GLIS3: variants seen among roughly 807,000 people sequenced by gnomAD.
GLIS3 encodes the protein zinc finger protein GLIS3.
A neutral mutation model predicts 78.6 loss-of-function variants in GLIS3; 53 were observed. The ratio of observed to expected loss-of-function variants is 0.67; its 90% CI spans 0.54 to 0.85. GLIS3 has a LOEUF of 0.85. GLIS3 is among the 40% of genes least tolerant of loss of function. GLIS3 has a pLI of 0.00. For synonymous variants in GLIS3, 684 were observed against 509.9 expected (o/e 1.34, Z -4.60); for missense variants, 1,703 against 1,231.1 (o/e 1.38, Z -5.74).
At chr9:4,471,819 A>C in the GLIS3 span, among the ~76,000 whole-genome samples, 1 of 152,208 alleles carries the variant, frequency 6.6e-6, no homozygotes, top group Admixed American at 6.5e-5. Flanking sequence ...GTGAACAGGC[A>C]ACCTACAGAG....
chr9:4,163,028 G>A (rs191333635), intron 2 of GLIS3, among the ~76,000 whole-genome samples: 5 of 152,286 alleles, frequency 3.3e-5, no homozygotes, highest in Admixed American at 2.0e-4. Flanking sequence ...CATGAGGATG[G>A]AGAGGGGAAG....
At chr9:4,337,105 C>A (rs1391661758) in intron 2 of GLIS3, among the ~76,000 whole-genome samples, 1 of 152,154 alleles carries the variant, frequency 6.6e-6, no homozygotes, top group Non-Finnish European at 1.5e-5. Flanking sequence ...GTGTCATTGG[C>A]TTCTAGTGCA....
intron 2 of GLIS3, among the ~76,000 whole-genome samples, chr9:4,282,442 G>C (rs1174216417): frequency 6.6e-6 from 1 of 152,186 alleles, no homozygotes; most frequent in East Asian, 1.9e-4. Flanking sequence ...AATAGAACAA[G>C]GTTGACCCTC....
At chr9:4,233,395 C>G (rs1044341433) in intron 2 of GLIS3, among the ~76,000 whole-genome samples, 2 of 152,200 alleles carry the variant, frequency 1.3e-5, no homozygotes, top group African/African-American at 4.8e-5. Flanking sequence ...TGTTGTGTTA[C>G]CAATCATGAA....
chr9:4,030,127 A>C (rs1264757059), intron 4 of GLIS3, among the ~76,000 whole-genome samples: 1 of 152,056 alleles, frequency 6.6e-6, no homozygotes, highest in Admixed American at 6.6e-5. Flanking sequence ...TGTCTTTTGG[A>C]TATAAGCCAT....
At chr9:4,307,542 T>A (rs1276688357) in intron 4 of GLIS3, among the ~76,000 whole-genome samples, 2 of 147,994 alleles carry the variant, frequency 1.4e-5, no homozygotes, top group Non-Finnish European at 3.0e-5. Context: ...CCGCCCTGCA[T>A]CCCAACAAAA....
chr9:4,347,751 G>A (rs191029405), intron 1 of GLIS3, among the ~76,000 whole-genome samples: 2 of 152,062 alleles, frequency 1.3e-5, no homozygotes, highest in Admixed American at 6.5e-5. Flanking sequence ...TTTTGGTGGG[G>A]GTTGGGGGAG....
intron 4 of GLIS3, among the ~76,000 whole-genome samples, chr9:3,994,646 A>C (rs1274701648): frequency 2.0e-5 from 3 of 152,188 alleles, no homozygotes; most frequent in East Asian, 3.9e-4. Flanking sequence ...AATTAACAGA[A>C]CTAAAACCTG....
At chr9:4,259,042 C>A (rs1825251588) in intron 2 of GLIS3, among the ~76,000 whole-genome samples, 1 of 152,126 alleles carries the variant, frequency 6.6e-6, no homozygotes, top group Admixed American at 6.5e-5. Flanking sequence ...CTCCTGCCTG[C>A]TGCTGCCTCC....
chr9:3,916,040 T>C (rs907018185), intron 6 of GLIS3, among the ~76,000 whole-genome samples: 2 of 152,148 alleles, frequency 1.3e-5, no homozygotes, highest in African/African-American at 2.4e-5. Flanking sequence ...TTCTAGTCCA[T>C]GTAGAAGAAA....
intron 9 of GLIS3, 87 bp from the exon 10 acceptor site, chr9:3,829,579 C>G (rs1359002245): frequency 8.5e-6 from 12 of 1,416,840 alleles, no homozygotes; most frequent in African/African-American, 1.4e-5. Context: ...CTCACTCAGC[C>G]TGGCTTCCTA....
At chr9:4,177,771 T>C (rs928637460) in intron 2 of GLIS3, among the ~76,000 whole-genome samples, 2 of 152,048 alleles carry the variant, frequency 1.3e-5, no homozygotes, top group Non-Finnish European at 2.9e-5. Context: ...TTTGGAGGTA[T>C]TTTTTTTCTT....
At chr9:4,304,860 G>A (rs187301062), upstream of GLIS3, among the ~76,000 whole-genome samples, 3 of 152,264 alleles carry the variant, frequency 2.0e-5, no homozygotes, top group Admixed American at 6.5e-5. Context: ...AAGCACTCAG[G>A]AGATTTTCAC....
rs575239020 is a variant in GLIS3 at position 3,954,940 on chromosome 9, C to T, written c.1711-17751G>A. On this transcript the variant is annotated intron_variant, in intron 4 of 10. Transcript: ENST00000381971. ...ATGCATGACAATTCAGACAATGGTG[C>T]ACATGGAATAAGCCGGTGGATAAAA... Among the ~76,000 whole-genome samples, 8 of 152,228 alleles carry T rather than the reference C, an allele frequency of 5.3e-5. No individual in the cohort carries two copies. In the South Asian group the frequency reaches 1.7e-3, roughly 32 times the overall value.
chr9:4,314,925 T>G (rs969806845), intron 2 of GLIS3, among the ~76,000 whole-genome samples: 6 of 152,186 alleles, frequency 3.9e-5, no homozygotes, highest in Non-Finnish European at 8.8e-5. Context: ...GCTGGAACTC[T>G]CAGGGATTCA....
chr9:4,041,398 T>C (rs1003771556), intron 4 of GLIS3, among the ~76,000 whole-genome samples: 8 of 152,216 alleles, frequency 5.3e-5, no homozygotes, highest in African/African-American at 1.4e-4. Context: ...TGAGAAGCCT[T>C]GCTTTAGGCA....
intron 2 of GLIS3, among the ~76,000 whole-genome samples, chr9:4,276,136 A>T (rs1440917385): frequency 6.6e-6 from 1 of 150,900 alleles, no homozygotes; most frequent in East Asian, 2.0e-4. Context: ...AAATACAGAA[A>T]TTAGCCGGTG....
intron 2 of GLIS3, among the ~76,000 whole-genome samples, chr9:4,251,029 T>C (rs569406191): frequency 4.6e-5 from 7 of 152,308 alleles, no homozygotes; most frequent in South Asian, 2.1e-4. Flanking sequence ...CTTCCAACTA[T>C]GTGGTCAATT....
At chr9:3,985,169 G>C (rs1819638788) in intron 4 of GLIS3, among the ~76,000 whole-genome samples, 1 of 151,668 alleles carries the variant, frequency 6.6e-6, no homozygotes, top group Non-Finnish European at 1.5e-5. Context: ...TACTGAGACA[G>C]GGTCTTGCTC....
Sources: allele counts gnomAD v4.1 joint callset (sites outside exome capture counted in the v4.1 genomes callset), GRCh38; gene constraint gnomAD v4.1.1; transcripts MANE v1.5; gene names NCBI Gene and HGNC (gene_info 2026-07-23, HGNC 2026-07-21).